Variants in SLC8B1 observed in about 807,000 individuals in gnomAD.
The protein encoded by SLC8B1 is mitochondrial sodium/calcium exchanger protein.
In SLC8B1, 52 loss-of-function variants were observed where a neutral mutation model predicts 63.4. That is an observed-to-expected ratio of 0.82 (90% CI 0.66 to 1.03). The LOEUF (loss-of-function observed/expected upper bound fraction) is 1.03. SLC8B1 is among the 50% of genes least tolerant of loss of function. SLC8B1 has a pLI of 0.00. For missense variants in SLC8B1, 657 were observed against 741.7 expected, an observed-to-expected ratio of 0.89 and a Z score of 1.33; for synonymous variants, 336 against 323.9, an observed-to-expected ratio of 1.04 and a Z score of -0.40.
At chr12:113,310,866 T>C (rs1269384691) in intron 11 of SLC8B1, among the ~76,000 whole-genome samples, 2 of 152,222 alleles carry the variant, frequency 1.3e-5, no homozygotes, top group Non-Finnish European at 2.9e-5. Flanking sequence ...GAGAACACTC[T>C]AGAATTCTCC....
chr12:113,334,166 T>C lies in SLC8B1; in HGVS notation c.-83+277A>G, dbSNP rs139761425. On this transcript the variant is annotated intron_variant, in intron 1 of 15. Transcript: ENST00000680972. ...TGGTCACCACCATGTGCCTCTTCCCTCAAGACCAGGGCCAAAATGGCTTCA... is the reference window on the plus strand; with the variant it reads ...TGGTCACCACCATGTGCCTCTTCCCCCAAGACCAGGGCCAAAATGGCTTCA... Among the ~76,000 whole-genome samples the C allele has an allele frequency of 2.6e-5, 4 of 152,316 alleles. No homozygotes were observed. In the East Asian group the frequency reaches 7.7e-4, roughly 29 times the overall value.
At chr12:113,318,935 C>A (rs769335507) in intron 8 of SLC8B1, 29 bp downstream of exon 8, 3 of 1,585,564 alleles carry the variant, frequency 1.9e-6, no homozygotes, top group South Asian at 1.1e-5. Flanking sequence ...CCCCACTGGT[C>A]CTCTCTGGGG....
chr12:113,332,999 A>G (rs1957077760), intron 1 of SLC8B1, 39 bp from the exon 2 acceptor site: 1 of 1,269,472 alleles, frequency 7.9e-7, no homozygotes, highest in Non-Finnish European at 1.1e-6. Context: ...AACATTACTG[A>G]AAACCCATGG....
At chr12:113,321,557 T>C (rs1287461099) in intron 2 of SLC8B1, among the ~76,000 whole-genome samples, 1 of 152,126 alleles carries the variant, frequency 6.6e-6, no homozygotes, top group Admixed American at 6.6e-5. Context: ...CATATTTGTT[T>C]TTTAAAAAAA....
In SLC8B1 at chr12:113,310,332, G is replaced by A; in HGVS notation, c.1159C>T (p.Leu387Phe). Reference sequence around the variant, plus strand: ...ACCACCACGACCCAGACGGGAACGAGGCCGCCTATCTCATAGACACCATCT... The same window carrying A: ...ACCACCACGACCCAGACGGGAACGAAGCCGCCTATCTCATAGACACCATCT... ...GTYGVYEIGG[L>F]VPVWVVVVIA... Residue 387 changes from leucine to phenylalanine, a missense_variant, in exon 12 of 16, where the codon CTC becomes TTC. Transcript: ENST00000680972. 1 of 1,613,970 alleles carries A rather than the reference G, an allele frequency of 6.2e-7. No homozygotes were observed. Among genetic ancestry groups the A allele is most frequent in the Non-Finnish European group, 8.5e-7 (1 of 1,179,978 alleles).
chr12:113,312,090 C>G (rs569513881), intron 11 of SLC8B1, among the ~76,000 whole-genome samples: 17 of 151,904 alleles, frequency 1.1e-4, no homozygotes, highest in African/African-American at 4.1e-4. Flanking sequence ...TGGAATCAAG[C>G]AGATCAGGAA....
At position 113,304,309 on chromosome 12, in the gene SLC8B1, A is replaced by T. The variant is rs375488426; in HGVS notation, c.1557+12T>A. The T allele has an allele frequency of 1.9e-6, 3 of 1,613,436 alleles. No individual in the cohort carries two copies. The African/African-American group carries it at 4.0e-5, about 22-fold the overall frequency. The stretch of plus-strand genomic sequence containing the variant: ...GGTTATATACACTTGTAAACTTACA[A>T]GGAATACTCACCTTCACTTCTGTGT... On this transcript the variant is annotated intron_variant, in intron 15 of 15. Transcript: ENST00000680972.
intron 15 of SLC8B1, 104 bp downstream of exon 15, chr12:113,304,217 A>G (rs908298368): frequency 1.0e-6 from 1 of 1,001,596 alleles, no homozygotes; most frequent in Non-Finnish European, 1.6e-6. Context: ...ACAGCCAGGG[A>G]CTTAAGTGAT....
In SLC8B1 at chr12:113,316,218, T is replaced by G. The variant is rs958994926; in HGVS notation, c.993+308A>C. Among the ~76,000 whole-genome samples, 5 of 149,024 alleles carry G rather than the reference T, an allele frequency of 3.4e-5. No homozygotes were observed. The South Asian group carries it at 6.5e-4, about 19-fold the overall frequency. On this transcript the variant is annotated intron_variant, in intron 10 of 15. Coordinates refer to ENST00000680972, the MANE Select transcript of SLC8B1 (RefSeq NM_001358345.2). ...TCCAGCCTGGGCAATAGAGCGAAACTCTGTCTCAAAAAAAAAAAAAAGATC... is the reference window on the plus strand; with the variant it reads ...TCCAGCCTGGGCAATAGAGCGAAACGCTGTCTCAAAAAAAAAAAAAAGATC...
chr12:113,320,580 C>A lies in SLC8B1; in HGVS notation c.526+1G>T. On this transcript the variant is annotated splice_donor_variant, in intron 6 of 15. Transcript: ENST00000680972. LOFTEE classifies it high-confidence loss of function. This position sits in a 1 kb window ranked among gnomAD's most constrained non-coding sequence, Gnocchi z 5.3. ...GCCCCCCTCACTGGGGCTGCTCTCA[C>A]CAAACAGTGCCCCAAGGGCCAGGCC... The A allele has an allele frequency of 6.2e-7, 1 of 1,614,066 alleles. No individual in the cohort carries two copies. The highest frequency in any genetic ancestry group is 1.1e-5 in the South Asian group (1 of 91,088).
intron 8 of SLC8B1, 55 bp from the exon 9 acceptor site, chr12:113,317,056 C>T: frequency 6.6e-7 from 1 of 1,512,830 alleles, no homozygotes; most frequent in Admixed American, 1.8e-5. Flanking sequence ...CGAGGGGGCA[C>T]ACTGGGACAG....
rs767959901 is a variant in SLC8B1, at chr12:113,307,759, C to T, written c.1343G>A (p.Gly448Asp). 4 of 1,613,920 alleles carry T rather than the reference C, an allele frequency of 2.5e-6. No individual in the cohort carries two copies. Among genetic ancestry groups the T allele is most frequent in the Admixed American group, 1.7e-5 (1 of 60,008 alleles). ...AGTGTTGCTCAGCCGGAAGACCACA[C>T]CCAGGGACCGCAAGATGTTCACCAC... ...TEVVNILRSL[G>D]VVFRLSNTVL... Residue 448 changes from glycine to aspartate, a missense_variant, in exon 13 of 16, where the codon GGT (glycine) becomes GAT (aspartate). Coordinates refer to ENST00000680972, the MANE Select transcript of SLC8B1 (RefSeq NM_001358345.2).
chr12:113,323,940 C>A (rs971665672), intron 2 of SLC8B1, among the ~76,000 whole-genome samples: 13 of 152,086 alleles, frequency 8.5e-5, no homozygotes, highest in South Asian at 8.3e-4. Flanking sequence ...TGAGCAGAGA[C>A]TGAAACCCCC....
At position 113,321,125 on chromosome 12, in the gene SLC8B1, C is replaced by T. The variant is rs375841424; in HGVS notation, c.310-17G>A. The T allele has an allele frequency of 1.9e-5, 31 of 1,613,854 alleles. No homozygotes were observed. Among genetic ancestry groups the T allele is most frequent in the Admixed American group, 1.2e-4 (7 of 59,992 alleles). On this transcript the variant is annotated splice_polypyrimidine_tract_variant and intron_variant, in intron 3 of 15. Transcript: ENST00000680972. ...CCAGGAAACCTGGGTGGGGAGCGGGCGAGGAAGGGAGAGTCAAGTCCAGCT... is the reference window on the plus strand; with the variant it reads ...CCAGGAAACCTGGGTGGGGAGCGGGTGAGGAAGGGAGAGTCAAGTCCAGCT...
At chr12:113,318,903 G>T in intron 8 of SLC8B1, 61 bp downstream of exon 8, 2 of 1,362,612 alleles carry the variant, frequency 1.5e-6, no homozygotes, top group Non-Finnish European at 2.1e-6. Flanking sequence ...GGGCAGCACT[G>T]AAGGGCACAG....
intron 12 of SLC8B1, chr12:113,308,047 T>A (rs1351631101): frequency 3.1e-5 from 19 of 614,540 alleles, no homozygotes; most frequent in Non-Finnish European, 4.6e-5. Context: ...CTTTTTTCCT[T>A]AATAAACTCC....
chr12:113,319,674 C>T (rs1956892815), intron 7 of SLC8B1, among the ~76,000 whole-genome samples: 1 of 152,180 alleles, frequency 6.6e-6, no homozygotes, highest in African/African-American at 2.4e-5. Flanking sequence ...TCCTTCTGTA[C>T]AAATTGTCCC....
chr12:113,317,281 G>A (rs1045571650), intron 8 of SLC8B1, among the ~76,000 whole-genome samples: 1 of 152,040 alleles, frequency 6.6e-6, no homozygotes, highest in South Asian at 2.1e-4. Flanking sequence ...TTAGAGATGG[G>A]GTCTTGCTAT....
intron 8 of SLC8B1, among the ~76,000 whole-genome samples, chr12:113,317,334 C>T (rs1210584208): frequency 2.0e-5 from 3 of 152,282 alleles, no homozygotes; most frequent in East Asian, 1.9e-4. Context: ...AGCAGTCCAC[C>T]CGCCTCAGCT....
Sources: gnomAD v4.1 joint callset for allele counts (sites outside exome capture counted in the v4.1 genomes callset) on GRCh38, gnomAD v4.1.1 for gene constraint, Gnocchi (gnomAD v3.1) non-coding constraint, MANE v1.5 for transcripts, NCBI Gene and HGNC (gene_info 2026-07-23, HGNC 2026-07-21) for gene names.